TSGA10: variants seen among roughly 807,000 people sequenced by gnomAD.
TSGA10 encodes the protein testis-specific gene 10 protein.
A neutral mutation model predicts 96.6 loss-of-function variants in TSGA10; 43 were observed. The observed-to-expected ratio is 0.44, with a 90% CI of 0.35 to 0.57. The LOEUF is 0.57. Among genes scored for constraint, TSGA10 ranks in the 20% least tolerant of loss-of-function variants. TSGA10 has a pLI of 0.01. For missense variants in TSGA10, 703 were observed against 834.4 expected (o/e 0.84, Z 1.94); for synonymous variants, 229 against 269.9 (o/e 0.85, Z 1.48).
At chr2:99,059,671 C>T (rs899760462) in intron 16 of TSGA10, among the ~76,000 whole-genome samples, 34 of 148,716 alleles carry the variant, frequency 2.3e-4, no homozygotes, top group African/African-American at 8.5e-4. Context: ...TTTAAGTAAA[C>T]TTGTAAGACA....
intron 4 of TSGA10, among the ~76,000 whole-genome samples, chr2:99,116,821 A>C (rs896400372): frequency 1.3e-5 from 2 of 152,252 alleles, no homozygotes; most frequent in Admixed American, 1.3e-4. Context: ...ATCAACGTAT[A>C]CTGATCAAAT....
chr2:99,085,104 G>A (rs1274468677), intron 10 of TSGA10, among the ~76,000 whole-genome samples: 4 of 151,590 alleles, frequency 2.6e-5, no homozygotes, highest in Non-Finnish European at 4.4e-5. Flanking sequence ...AAAATTAGCC[G>A]GGCACAGTGG....
At chr2:99,096,645 T>C (rs909998653) in intron 10 of TSGA10, among the ~76,000 whole-genome samples, 17 of 152,238 alleles carry the variant, frequency 1.1e-4, no homozygotes, top group African/African-American at 3.6e-4. Flanking sequence ...TCATCTTTGA[T>C]GGCCAATTCC....
At chr2:99,150,984 A>AT (rs971586412) in intron 1 of TSGA10, 22 of 521,256 alleles carry the variant, frequency 4.2e-5, no homozygotes, top group Non-Finnish European at 6.8e-5. Flanking sequence ...CTTACACTGC[A>AT]TTTTTTTATG....
chr2:99,088,682 CTTAT>C (rs1360869357), intron 10 of TSGA10, among the ~76,000 whole-genome samples: 1 of 152,164 alleles, frequency 6.6e-6, no homozygotes, highest in Non-Finnish European at 1.5e-5. Context: ...TAATTCCACT[CTTAT>C]TTATTCAAGA....
chr2:99,035,927 CACTT>C (rs1341453689), intron 16 of TSGA10, among the ~76,000 whole-genome samples: 1 of 152,072 alleles, frequency 6.6e-6, no homozygotes, highest in Non-Finnish European at 1.5e-5. Context: ...AACTCTTTAA[CACTT>C]ACTAATACCT....
intron 1 of TSGA10, among the ~76,000 whole-genome samples, chr2:99,153,514 G>C (rs368899436): frequency 1.3e-5 from 2 of 152,188 alleles, no homozygotes; most frequent in African/African-American, 4.8e-5. Flanking sequence ...AGAAGTCCTG[G>C]AGCAGGGAGG....
chr2:99,119,465 C>T (rs1162344441), intron 2 of TSGA10, among the ~76,000 whole-genome samples: 1 of 152,114 alleles, frequency 6.6e-6, no homozygotes, highest in Non-Finnish European at 1.5e-5. Flanking sequence ...TTCCCACCAC[C>T]AGACACACTA....
intron 4 of TSGA10, among the ~76,000 whole-genome samples, chr2:99,113,887 A>T (rs577975687): frequency 6.6e-6 from 1 of 152,254 alleles, no homozygotes; most frequent in Non-Finnish European, 1.5e-5. Context: ...GTGAACCAGA[A>T]CAACCCAGCT....
chr2:99,150,660 G>A (rs1324930175), intron 1 of TSGA10: 2 of 1,613,860 alleles, frequency 1.2e-6, no homozygotes, highest in Admixed American at 3.3e-5. Flanking sequence ...AAAGCAGGTT[G>A]GAACCAGCGA....
chr2:99,001,640 G>A (rs912417383), intron 20 of TSGA10, among the ~76,000 whole-genome samples: 5 of 152,130 alleles, frequency 3.3e-5, no homozygotes, highest in African/African-American at 7.2e-5. Context: ...TGACTTTAAC[G>A]AGTTGACAGA....
At chr2:99,120,821 T>G (rs1202746243) in intron 2 of TSGA10, among the ~76,000 whole-genome samples, 1 of 152,186 alleles carries the variant, frequency 6.6e-6, no homozygotes, top group Admixed American at 6.5e-5. Context: ...AGACCATTCT[T>G]CTGCTGCCCC....
At chr2:99,038,354 C>T (rs1194672039) in intron 16 of TSGA10, among the ~76,000 whole-genome samples, 1 of 152,066 alleles carries the variant, frequency 6.6e-6, no homozygotes, top group Non-Finnish European at 1.5e-5. Context: ...CTAAAAGACA[C>T]AGAATGGCAG....
intron 10 of TSGA10, among the ~76,000 whole-genome samples, chr2:99,091,898 A>AACTATACCCTAGTACAGG (rs1226486841): frequency 6.6e-6 from 1 of 152,148 alleles, no homozygotes; most frequent in African/African-American, 2.4e-5. Context: ...AATGGATTTA[A>AACTATACCCTAGTACAGG]ACTATACCCT....
chr2:99,046,515 T>G (rs1340208284), intron 16 of TSGA10, among the ~76,000 whole-genome samples: 1 of 152,126 alleles, frequency 6.6e-6, no homozygotes, highest in African/African-American at 2.4e-5. Flanking sequence ...AGATGTTCTT[T>G]GAAACCAATG....
At chr2:99,004,591 G>C (rs2078290185) in intron 20 of TSGA10, among the ~76,000 whole-genome samples, 1 of 151,992 alleles carries the variant, frequency 6.6e-6, no homozygotes, top group African/African-American at 2.4e-5. Context: ...GACTAAACCA[G>C]GAAGAAGTTG....
rs975813406 is a variant in TSGA10 at position 99,043,232 on chromosome 2, C to T, written c.1405-7793G>A. 3.3e-5 allele frequency among the ~76,000 whole-genome samples: 5 copies of T among 151,790 alleles called. No individual in the cohort carries two copies. The East Asian group carries it at 5.8e-4, about 18-fold the overall frequency. Reference sequence around the variant, plus strand: ...ATGGAATGTCTGAAACTTGAAATTACAATAATTGAAATGAAAAGGTTTCCC... The same window carrying T: ...ATGGAATGTCTGAAACTTGAAATTATAATAATTGAAATGAAAAGGTTTCCC... On this transcript the variant is annotated intron_variant, in intron 16 of 20. Transcript: ENST00000393483.
chr2:99,008,048 A>G (rs2078660740), intron 20 of TSGA10, among the ~76,000 whole-genome samples: 1 of 152,250 alleles, frequency 6.6e-6, no homozygotes, highest in Admixed American at 6.5e-5. Context: ...AACCATACAT[A>G]AAATAAACTC....
chr2:99,026,231 C>T lies in TSGA10; in HGVS notation c.1615-5749G>A, dbSNP rs200127756. On this transcript the variant is annotated intron_variant, in intron 17 of 20. Coordinates refer to ENST00000393483, the MANE Select transcript of TSGA10 (RefSeq NM_025244.4). ...TGAACTGTTTATTTACAGCTCAATA[C>T]AGAAATGTTATTCCTACATAGCTGT... is the stretch of plus-strand genomic sequence containing the variant. Among the ~76,000 whole-genome samples the T allele has an allele frequency of 3.3e-5, 5 of 152,266 alleles. No homozygotes were observed. The East Asian group carries it at 9.6e-4, about 29-fold the overall frequency.
Sources: gnomAD v4.1 joint callset for allele counts (sites outside exome capture counted in the v4.1 genomes callset) on GRCh38, gnomAD v4.1.1 for gene constraint, MANE v1.5 for transcripts, NCBI Gene and HGNC (gene_info 2026-07-23, HGNC 2026-07-21) for gene names.